SGIP1: variants seen among roughly 807,000 people sequenced by gnomAD.
SGIP1 encodes the protein SH3-containing GRB2-like protein 3-interacting protein 1.
Under a neutral mutation model 107.5 loss-of-function variants are expected in SGIP1, and 38 were observed. The ratio of observed to expected loss-of-function variants is 0.35; its 90% CI spans 0.27 to 0.46. SGIP1 has a LOEUF of 0.46. Ranked by LOEUF, SGIP1 falls within the 20% of genes least tolerant of loss-of-function variation. The pLI is 1.00. For synonymous variants in SGIP1, 365 were observed against 366.1 expected (o/e 1.00, Z 0.03); for missense variants, 929 against 1,019.5 (o/e 0.91, Z 1.21).
At chr1:66,582,887 A>G (rs1236313695) in intron 1 of SGIP1, among the ~76,000 whole-genome samples, 1 of 151,920 alleles carries the variant, frequency 6.6e-6, no homozygotes, top group African/African-American at 2.4e-5. Context: ...GAGGGGCAAC[A>G]AGATGCTGTA....
chr1:66,683,700 C>CTTTTTTTTTTTTTTTTTTTTTTTTT lies in SGIP1; in HGVS notation c.1315+1335_1315+1359dup, dbSNP rs869266510. The stretch of plus-strand genomic sequence containing the variant: ...ACCACACTGTTTGTTTGTTTCTTTT[C>CTTTTTTTTTTTTTTTTTTTTTTTTT]TTTTTTTTTTTTTTTTTTTTTTTTT... On this transcript the variant is annotated intron_variant, in intron 15 of 24. Transcript: ENST00000371037. 7.0e-4 allele frequency among the ~76,000 whole-genome samples: 43 copies of CTTTTTTTTTTTTTTTTTTTTTTTTT among 61,392 alleles called. 7 individuals carry two copies. Among genetic ancestry groups the CTTTTTTTTTTTTTTTTTTTTTTTTT allele is most frequent in the South Asian group, 2.1e-3 (2 of 934 alleles). 40.3% of individuals were successfully genotyped at this position (61,392 alleles called of 152,430 possible).
At chr1:66,697,959 G>A (rs1355359270) in intron 18 of SGIP1, among the ~76,000 whole-genome samples, 2 of 151,896 alleles carry the variant, frequency 1.3e-5, no homozygotes, top group East Asian at 1.9e-4. Context: ...CTTCATTCAG[G>A]GAATGTAGAA....
chr1:66,648,503 TC>T, intron 7 of SGIP1, among the ~76,000 whole-genome samples: 1 of 152,284 alleles, frequency 6.6e-6, no homozygotes, highest in East Asian at 1.9e-4. Context: ...CCCTTCAGCC[TC>T]CTTTGTTCAC....
intron 2 of SGIP1, among the ~76,000 whole-genome samples, chr1:66,627,594 A>T (rs2073181717): frequency 6.6e-6 from 1 of 152,170 alleles, no homozygotes; most frequent in Non-Finnish European, 1.5e-5. Flanking sequence ...TAGATGCCAA[A>T]TGTTAAGTTC....
rs1232934556 is a variant in SGIP1 at position 66,543,036 on chromosome 1, G to A, written c.10+8668G>A. On this transcript the variant is annotated intron_variant, in intron 1 of 24. Coordinates refer to ENST00000371037, the MANE Select transcript of SGIP1 (RefSeq NM_032291.4). ...TTTCAAAAGCCTTCTTCAGAACTAA[G>A]CAAGTTAATTTTATTATCAGGTCAT... 3.3e-5 allele frequency among the ~76,000 whole-genome samples: 5 copies of A among 152,184 alleles called. No individual in the cohort carries two copies. In the East Asian group the frequency reaches 9.6e-4, roughly 29 times the overall value.
At chr1:66,615,076 C>T (rs2068927658) in intron 1 of SGIP1, among the ~76,000 whole-genome samples, 1 of 152,002 alleles carries the variant, frequency 6.6e-6, no homozygotes, top group Non-Finnish European at 1.5e-5. Flanking sequence ...CCACCTCGGT[C>T]TCCTAAAACA....
intron 2 of SGIP1, among the ~76,000 whole-genome samples, chr1:66,630,871 GAAAGAAAGAAAGAAAGAAAGAAAGAAA>G (rs1558133704): frequency 4.9e-5 from 2 of 40,618 alleles, no homozygotes; most frequent in African/African-American, 2.5e-4. Context: ...AAGAAAGAAA[GAAAGAAAGAAAGAAAGAAAGAAAGAAA>G]GAAAGAAGGG....
chr1:66,618,033 T>TATG (rs34194699), intron 1 of SGIP1, among the ~76,000 whole-genome samples: 22,395 of 152,184 alleles, frequency 0.15, 2,168 homozygotes, highest in East Asian at 0.46. Context: ...ATAGAATCAA[T>TATG]ATAATAGCTC....
Position 66,695,447 on chromosome 1 carries a change from T to C in SGIP1, c.1584T>C (p.Pro528=). 6.2e-7 allele frequency: 1 copy of C among 1,614,118 alleles called. No individual in the cohort carries two copies. The highest frequency in any genetic ancestry group is 8.5e-7 in the Non-Finnish European group (1 of 1,180,002). ...CTGGCCATACAGAGAATGAACAGCC[T>C]TCCCTCGTTTGGTTTGACAGAGGAA... ...ATTPTVENEQ[P]SLVWFDRGKF... is the part of the protein sequence containing the mutation. Residue 528 remains proline (P), a synonymous_variant, in exon 18 of 25, where the codon CCT becomes CCC. Coordinates refer to ENST00000371037, the MANE Select transcript of SGIP1 (RefSeq NM_032291.4).
chr1:66,698,504 G>A (rs914967420), intron 18 of SGIP1, among the ~76,000 whole-genome samples: 5 of 150,868 alleles, frequency 3.3e-5, no homozygotes, highest in Admixed American at 1.3e-4. Flanking sequence ...ACAGCCTCCC[G>A]AGTAGCTGGG....
chr1:66,675,358 G>A (rs773023048), intron 12 of SGIP1, among the ~76,000 whole-genome samples: 30 of 151,978 alleles, frequency 2.0e-4, no homozygotes, highest in Non-Finnish European at 3.5e-4. Flanking sequence ...CATGACTGTG[G>A]CCTCAGTTGT....
intron 1 of SGIP1, among the ~76,000 whole-genome samples, chr1:66,588,312 C>T (rs562309046): frequency 6.6e-6 from 1 of 152,130 alleles, no homozygotes; most frequent in Non-Finnish European, 1.5e-5. Flanking sequence ...CAAGTTGCCC[C>T]TGACTCACTG....
At chr1:66,630,851 G>C (rs1281528400) in intron 2 of SGIP1, among the ~76,000 whole-genome samples, 10 of 21,072 alleles carry the variant, frequency 4.7e-4, no homozygotes, top group African/African-American at 2.6e-3. Flanking sequence ...AAGAAAGAAA[G>C]AAAGAAAGAA....
intron 2 of SGIP1, among the ~76,000 whole-genome samples, chr1:66,627,097 A>G (rs533029250): frequency 8.7e-4 from 133 of 152,322 alleles, no homozygotes; most frequent in African/African-American, 2.9e-3. Context: ...GGTACCTAAT[A>G]CTTAGTAAAT....
Position 66,743,147 on chromosome 1 carries a change from T to G in SGIP1, c.*52T>G. Reference sequence around the variant, plus strand: ...ATTCATATAATGGAGAACTGATGTATGAGAAACAGATTTTAATTTTGGTTT... The same window carrying G: ...ATTCATATAATGGAGAACTGATGTAGGAGAAACAGATTTTAATTTTGGTTT... On this transcript the variant is annotated 3_prime_UTR_variant, in exon 25 of 25. Transcript: ENST00000371037. 1.9e-6 allele frequency: 3 copies of G among 1,593,808 alleles called. No individual in the cohort carries two copies. Among genetic ancestry groups the G allele is most frequent in the Non-Finnish European group, 2.6e-6 (3 of 1,164,886 alleles).
intron 1 of SGIP1, among the ~76,000 whole-genome samples, chr1:66,595,276 T>C (rs2064411120): frequency 6.6e-6 from 1 of 152,150 alleles, no homozygotes; most frequent in Admixed American, 6.5e-5. Context: ...GTGGCAGACA[T>C]CAAGTGTCAA....
chr1:66,569,119 A>G (rs770982267), intron 1 of SGIP1, among the ~76,000 whole-genome samples: 5 of 152,006 alleles, frequency 3.3e-5, no homozygotes, highest in Non-Finnish European at 7.4e-5. Flanking sequence ...GAAGGATACA[A>G]GCCTGAGGCT....
chr1:66,647,100 T>A (rs1321285085), intron 7 of SGIP1, among the ~76,000 whole-genome samples: 1 of 152,126 alleles, frequency 6.6e-6, no homozygotes, highest in Admixed American at 6.5e-5. Flanking sequence ...GCTTAAACAA[T>A]ATAGGTGGTT....
intron 18 of SGIP1, among the ~76,000 whole-genome samples, chr1:66,713,122 T>C: frequency 6.6e-6 from 1 of 152,076 alleles, no homozygotes; most frequent in East Asian, 1.9e-4. Context: ...ACAGTTCTGT[T>C]TTGATTGTTT....
Sources: allele counts gnomAD v4.1 joint callset (sites outside exome capture counted in the v4.1 genomes callset), GRCh38; gene constraint gnomAD v4.1.1; transcripts MANE v1.5; gene names NCBI Gene and HGNC (gene_info 2026-07-23, HGNC 2026-07-21).